C3orf20: variants seen among roughly 807,000 people sequenced by gnomAD.
C3orf20 encodes family with sequence similarity 149 member C, also known as uncharacterized protein C3orf20.
C3orf20 carries 76 observed loss-of-function variants against 88.3 expected under a neutral mutation model. The observed-to-expected ratio is 0.86, with a 90% CI of 0.72 to 1.04. The LOEUF (loss-of-function observed/expected upper bound fraction) is 1.04, where lower values mean the gene tolerates loss of function less well. Ranked by LOEUF, C3orf20 falls within the 50% of genes least tolerant of loss-of-function variation. C3orf20 has a pLI of 0.00. For synonymous variants in C3orf20, 436 were observed against 437.4 expected, an observed-to-expected ratio of 1.00 and a Z score of 0.04; for missense variants, 1,056 against 1,123.3, an observed-to-expected ratio of 0.94 and a Z score of 0.86.
chr3:14,691,863 CT>C (rs2032750236), intron 5 of C3orf20, among the ~76,000 whole-genome samples: 1 of 152,154 alleles, frequency 6.6e-6, no homozygotes, highest in South Asian at 2.1e-4. Flanking sequence ...TTCATTCTTA[CT>C]GTTTTTTTTG....
chr3:14,694,066 G>A (rs902068752), intron 5 of C3orf20, among the ~76,000 whole-genome samples: 1 of 152,088 alleles, frequency 6.6e-6, no homozygotes, highest in Non-Finnish European at 1.5e-5. Flanking sequence ...GAATGATCTT[G>A]ATCTTTTTAA....
At chr3:14,688,875 A>G (rs2032577535) in intron 4 of C3orf20, among the ~76,000 whole-genome samples, 1 of 152,102 alleles carries the variant, frequency 6.6e-6, no homozygotes, top group Admixed American at 6.5e-5. Flanking sequence ...GTTTTCCAAC[A>G]TGGCTATATA....
In C3orf20 at chr3:14,690,060, C is replaced by CCACAGCCT. The variant is rs775910494; in HGVS notation, c.690_697dup (p.Cys233SerfsTer5). On this transcript the variant is annotated frameshift_variant, in exon 5 of 17. Transcript: ENST00000253697. LOFTEE classifies it high-confidence loss of function. ...CCTTACCAGCTGATCTACCACTCTTCCACAGCCTGTCTGAGCTTTTCTCTC... is the reference window on the plus strand; with the variant it reads ...CCTTACCAGCTGATCTACCACTCTTCCACAGCCTCACAGCCTGTCTGAGCTTTTCTCTC... 1 of 1,614,116 alleles carries CCACAGCCT rather than the reference C, an allele frequency of 6.2e-7. No homozygotes were observed. The highest frequency in any genetic ancestry group is 1.3e-5 in the African/African-American group (1 of 74,938).
In C3orf20 at chr3:14,704,434, C is replaced by T. The variant is rs780464445; in HGVS notation, c.976C>T (p.Arg326Cys). Residue 326 changes from arginine (R) to cysteine (C), a missense_variant, in exon 7 of 17, where the codon CGC (arginine) becomes TGC (cysteine). Arg to Cys is a radical substitution (Grantham distance 180). Transcript: ENST00000253697. ...AKMPSHLMLA[R>C]KGDSQTPGLH... ...GATGCCCTCTCATCTAATGTTGGCC[C>T]GCAAAGGAGACTCTCAGACCCCGGG... 2.5e-5 allele frequency: 41 copies of T among 1,613,982 alleles called. No individual in the cohort carries two copies. Among genetic ancestry groups the T allele is most frequent in the Non-Finnish European group, 3.1e-5 (37 of 1,180,026 alleles).
chr3:14,683,345 C>T lies in C3orf20; in HGVS notation c.484+148C>T. ...CGGCTCCTGGAATCATCCTCTCACTCCTCCCTGTTCTCCCATTTTTCCTGC... is the reference window on the plus strand; with the variant it reads ...CGGCTCCTGGAATCATCCTCTCACTTCTCCCTGTTCTCCCATTTTTCCTGC... On this transcript the variant is annotated intron_variant, in intron 3 of 16. Transcript: ENST00000253697. 3.9e-6 allele frequency: 4 copies of T among 1,037,600 alleles called. No homozygotes were observed. In the South Asian group the frequency reaches 7.0e-5, roughly 18 times the overall value. 64.3% of individuals were successfully genotyped at this position (1,037,600 alleles called of 1,614,324 possible).
intron 5 of C3orf20, among the ~76,000 whole-genome samples, chr3:14,700,874 C>T (rs1356776266): frequency 6.6e-6 from 1 of 152,246 alleles, no homozygotes; most frequent in Admixed American, 6.5e-5. Context: ...TCCATGTCCA[C>T]ATGCTATTCC....
rs1426017516 is a variant in C3orf20, at chr3:14,772,117, C to A, written c.2546C>A (p.Ala849Asp). The change falls in exon 16 of 17, where the codon GCC (alanine) becomes GAC (aspartate). Residue 849 changes from alanine (A) to aspartate (D), a missense_variant. Coordinates refer to ENST00000253697, the MANE Select transcript of C3orf20 (RefSeq NM_032137.5). This position sits in a 1 kb window ranked among gnomAD's most constrained non-coding sequence, Gnocchi z 4.2. ...GAGGATTCTGAATCAGTCAAGAAAGCCGAGTCAGAAGATATCCAAGGAAGC... is the reference window on the plus strand; with the variant it reads ...GAGGATTCTGAATCAGTCAAGAAAGACGAGTCAGAAGATATCCAAGGAAGC... The part of the protein sequence containing the change: ...SLEDSESVKK[A>D]ESEDIQGSSS... The A allele has an allele frequency of 1.9e-6, 3 of 1,614,094 alleles. No individual in the cohort carries two copies. In the Admixed American group the frequency reaches 5.0e-5, roughly 27 times the overall value.
intron 12 of C3orf20, among the ~76,000 whole-genome samples, chr3:14,755,020 C>T (rs1157922626): frequency 6.6e-6 from 1 of 152,192 alleles, no homozygotes; most frequent in Non-Finnish European, 1.5e-5. Context: ...CCACCATGCC[C>T]AGCCCTCCCT....
intron 1 of C3orf20, among the ~76,000 whole-genome samples, chr3:14,678,791 A>G (rs554228797): frequency 1.3e-3 from 195 of 152,324 alleles, no homozygotes; most frequent in African/African-American, 4.5e-3. Context: ...AAGAGAAGAC[A>G]TGGCCCCTGC....
rs116429172 is a variant in C3orf20, at chr3:14,681,835, T to C, written c.-298-335T>C. Reference sequence around the variant, plus strand: ...TTTTTGCTTATTAAATTGTTCTTTATGCTTCCTTTCTTCAACCAGTGGTCT... The same window carrying C: ...TTTTTGCTTATTAAATTGTTCTTTACGCTTCCTTTCTTCAACCAGTGGTCT... On this transcript the variant is annotated intron_variant, in intron 1 of 16. Transcript: ENST00000253697. Among the ~76,000 whole-genome samples, 1,007 of 152,350 alleles carry C rather than the reference T, an allele frequency of 6.6e-3. 14 individuals carry two copies. The highest frequency in any genetic ancestry group is 0.023 in the African/African-American group (944 of 41,570).
intron 7 of C3orf20, among the ~76,000 whole-genome samples, chr3:14,708,317 C>G (rs1322935102): frequency 2.6e-5 from 4 of 152,192 alleles, no homozygotes; most frequent in Non-Finnish European, 4.4e-5. Flanking sequence ...TGTCAAAAAT[C>G]AATTGACTGT....
intron 8 of C3orf20, among the ~76,000 whole-genome samples, 184 bp downstream of exon 8, chr3:14,714,343 C>T (rs527569260): frequency 2.0e-5 from 3 of 152,014 alleles, no homozygotes; most frequent in Non-Finnish European, 4.4e-5. Context: ...AAGGCTCAGC[C>T]CTTCCTTGCT....
At chr3:14,706,311 G>A (rs751338405) in intron 7 of C3orf20, among the ~76,000 whole-genome samples, 12 of 151,822 alleles carry the variant, frequency 7.9e-5, no homozygotes, top group East Asian at 1.9e-4. Flanking sequence ...TTCGAGAGCC[G>A]CTGCTGCTTG....
chr3:14,747,492 T>G (rs2035090346), intron 12 of C3orf20, among the ~76,000 whole-genome samples: 1 of 152,170 alleles, frequency 6.6e-6, no homozygotes, highest in Non-Finnish European at 1.5e-5. Flanking sequence ...AGTAATTCAA[T>G]GAGAGAAAAC....
rs1253944654 is a variant in C3orf20, at chr3:14,722,161, T to C, written c.1566+377T>C. On this transcript the variant is annotated intron_variant, in intron 10 of 16. Coordinates refer to ENST00000253697, the MANE Select transcript of C3orf20 (RefSeq NM_032137.5). Reference sequence around the variant, plus strand: ...CTGCTTTCCTCTTTGTTGGCTTCATTCTCAAGGAGTTTCTCTCCTGTTGAT... The same window carrying C: ...CTGCTTTCCTCTTTGTTGGCTTCATCCTCAAGGAGTTTCTCTCCTGTTGAT... 3.2e-5 allele frequency: 9 copies of C among 282,378 alleles called. No individual in the cohort carries two copies. The East Asian group carries it at 5.7e-4, about 18-fold the overall frequency. The allele number at this position is 282,378 out of a possible 1,614,324, so 17.5% of individuals were successfully genotyped here.
intron 1 of C3orf20, among the ~76,000 whole-genome samples, chr3:14,679,926 A>T (rs1051297831): frequency 4.6e-5 from 7 of 152,366 alleles, no homozygotes; most frequent in African/African-American, 1.7e-4. Context: ...ATGCTTAGGG[A>T]ATTAGTCATT....
At chr3:14,710,066 T>G (rs559276746) in intron 7 of C3orf20, among the ~76,000 whole-genome samples, 1 of 152,222 alleles carries the variant, frequency 6.6e-6, no homozygotes, top group South Asian at 2.1e-4. Flanking sequence ...TCTATTTAGG[T>G]TTTTTATTTC....
In C3orf20 at chr3:14,684,353, G is replaced by A; in HGVS notation, c.596G>A (p.Ser199Asn). The change falls in exon 4 of 17, where the codon AGT (serine) becomes AAT (asparagine). Residue 199 changes from serine (S) to asparagine (N), a missense_variant. Coordinates refer to ENST00000253697, the MANE Select transcript of C3orf20 (RefSeq NM_032137.5). ...FNCLISTAGR[S>N]GYSSGQLWKE... ...TGCCTGATCAGCACAGCCGGGAGAA[G>A]TGGCTACAGCAGCGGACAGTTGTGG... 6.2e-7 allele frequency: 1 copy of A among 1,614,176 alleles called. No individual in the cohort carries two copies. Among genetic ancestry groups the A allele is most frequent in the Non-Finnish European group, 8.5e-7 (1 of 1,180,022 alleles).
chr3:14,702,026 C>G (rs2033285296), intron 5 of C3orf20, among the ~76,000 whole-genome samples: 1 of 152,116 alleles, frequency 6.6e-6, no homozygotes, highest in South Asian at 2.1e-4. Flanking sequence ...AACACAATGT[C>G]TTGAAAAACC....
Sources: gnomAD v4.1 joint callset for allele counts (sites outside exome capture counted in the v4.1 genomes callset) on GRCh38, gnomAD v4.1.1 for gene constraint, Gnocchi (gnomAD v3.1) non-coding constraint, MANE v1.5 for transcripts, NCBI Gene and HGNC (gene_info 2026-07-23, HGNC 2026-07-21) for gene names.